UNC13C: variants seen among roughly 807,000 people sequenced by gnomAD.
UNC13C encodes protein unc-13 homolog C.
Under a neutral mutation model 245.4 loss-of-function variants are expected in UNC13C, and 174 were observed. The ratio of observed to expected loss-of-function variants is 0.71; its 90% confidence interval spans 0.63 to 0.80. The LOEUF (loss-of-function observed/expected upper bound fraction) is 0.80. UNC13C is among the 30% of genes least tolerant of loss of function. The pLI is 0.00. For missense variants in UNC13C, 2,829 were observed against 2,602.9 expected (o/e 1.09, Z -1.89); for synonymous variants, 992 against 895.1 (o/e 1.11, Z -1.93).
chr15:54,546,673 C>A lies in UNC13C; in HGVS notation c.5697-49C>A, dbSNP rs1173405456. On this transcript the variant is annotated intron_variant, in intron 26 of 32. Transcript: ENST00000260323. ...AAAATCGTAAAGGCCTAAATTGATA[C>A]CTTGATCTGAAATTTAAAAGTGAAT... 4.1e-6 allele frequency: 5 copies of A among 1,224,112 alleles called. No homozygotes were observed. The African/African-American group carries it at 5.0e-5, about 12-fold the overall frequency. The allele number at this position is 1,224,112 out of a possible 1,614,324, so 75.8% of individuals were successfully genotyped here.
At chr15:54,076,780 GA>G (rs1898651807) in intron 2 of UNC13C, among the ~76,000 whole-genome samples, 1 of 152,146 alleles carries the variant, frequency 6.6e-6, no homozygotes, top group South Asian at 2.1e-4. Context: ...ATCCCTGTGG[GA>G]GTATTCTTTG....
At chr15:54,144,174 A>G (rs1166434634) in intron 4 of UNC13C, among the ~76,000 whole-genome samples, 1 of 152,214 alleles carries the variant, frequency 6.6e-6, no homozygotes, top group African/African-American at 2.4e-5. Flanking sequence ...AAAATAATGT[A>G]TGAAATTTAT....
chr15:54,232,994 G>T (rs2035594033), intron 4 of UNC13C, among the ~76,000 whole-genome samples: 1 of 152,168 alleles, frequency 6.6e-6, no homozygotes. Context: ...GAAGCAAGAA[G>T]TTACTGATGG....
intron 19 of UNC13C, among the ~76,000 whole-genome samples, chr15:54,439,171 C>T (rs1045748024): frequency 2.0e-5 from 3 of 151,956 alleles, no homozygotes; most frequent in Non-Finnish European, 4.4e-5. Flanking sequence ...ATCTCTGTTA[C>T]ATGGAATAGT....
At chr15:54,213,827 C>G (rs971976139) in intron 4 of UNC13C, among the ~76,000 whole-genome samples, 2 of 151,900 alleles carry the variant, frequency 1.3e-5, no homozygotes, top group Admixed American at 1.3e-4. Context: ...AACTTGCCAA[C>G]CTAACAGGTA....
chr15:53,898,112 C>A, the UNC13C span, among the ~76,000 whole-genome samples: 2 of 152,108 alleles, frequency 1.3e-5, no homozygotes, highest in Admixed American at 6.5e-5. Context: ...AATATAAGAT[C>A]TTCTACATTA....
intron 2 of UNC13C, among the ~76,000 whole-genome samples, chr15:54,052,805 A>G (rs1322972109): frequency 6.6e-6 from 1 of 152,172 alleles, no homozygotes; most frequent in African/African-American, 2.4e-5. Context: ...ACCTCGAACA[A>G]TGTCTTTAAT....
intron 10 of UNC13C, among the ~76,000 whole-genome samples, 162 bp downstream of exon 10, chr15:54,265,658 T>C (rs370646604): frequency 3.9e-5 from 6 of 152,156 alleles, no homozygotes; most frequent in Non-Finnish European, 7.4e-5. Context: ...AATACTCTCA[T>C]AATATTTATT....
intron 10 of UNC13C, among the ~76,000 whole-genome samples, chr15:54,289,015 G>C (rs528358191): frequency 1.0e-3 from 158 of 152,182 alleles, no homozygotes; most frequent in African/African-American, 3.7e-3. Context: ...TGCTGGAAAA[G>C]CCCTAGGGCA....
chr15:53,870,188 T>C, the UNC13C span, among the ~76,000 whole-genome samples: 13 of 152,238 alleles, frequency 8.5e-5, no homozygotes, highest in Admixed American at 5.2e-4. Context: ...TTTGATAAAA[T>C]TGGAAATGTT....
the UNC13C span, among the ~76,000 whole-genome samples, chr15:53,853,063 G>T: frequency 2.6e-5 from 4 of 151,642 alleles, no homozygotes; most frequent in African/African-American, 9.7e-5. Flanking sequence ...GGATGTGCAG[G>T]TTTGTTACAT....
Position 54,234,961 on chromosome 15 carries a change from A to G in UNC13C, c.3072-69A>G, listed in dbSNP as rs1014227168. On this transcript the variant is annotated intron_variant, in intron 4 of 32. Coordinates refer to ENST00000260323, the MANE Select transcript of UNC13C (RefSeq NM_001080534.3). ...CTTTTTCACAGACTTTATACCATGA[A>G]CAGTGGATGTTTTTCTTACAAGAAG... The G allele has an allele frequency of 2.2e-5, 30 of 1,353,704 alleles. No homozygotes were observed. In the African/African-American group the frequency reaches 4.2e-4, roughly 19 times the overall value. The allele number at this position is 1,353,704 out of a possible 1,614,324, so 83.9% of individuals were successfully genotyped here.
intron 8 of UNC13C, among the ~76,000 whole-genome samples, chr15:54,262,312 G>A (rs1167135971): frequency 6.6e-6 from 1 of 152,204 alleles, no homozygotes; most frequent in Non-Finnish European, 1.5e-5. Flanking sequence ...AAATTTGGGA[G>A]AGAGTCAACA....
At chr15:54,057,711 G>T (rs1374565207) in intron 2 of UNC13C, among the ~76,000 whole-genome samples, 1 of 152,174 alleles carries the variant, frequency 6.6e-6, no homozygotes, top group Non-Finnish European at 1.5e-5. Flanking sequence ...ACAGTTGGAA[G>T]TAAAGCACTC....
intron 4 of UNC13C, among the ~76,000 whole-genome samples, chr15:54,229,148 C>T (rs777501785): frequency 1.1e-4 from 16 of 152,278 alleles, no homozygotes; most frequent in Admixed American, 2.6e-4. Flanking sequence ...AATGTTCCAA[C>T]GCAAAGTCCT....
At chr15:54,391,519 T>C (rs1260402100) in intron 17 of UNC13C, among the ~76,000 whole-genome samples, 1 of 152,100 alleles carries the variant, frequency 6.6e-6, no homozygotes, top group African/African-American at 2.4e-5. Context: ...TTCACTAATA[T>C]AACCCAGGAA....
At chr15:54,000,408 A>G (rs1486384992) in intron 1 of UNC13C, among the ~76,000 whole-genome samples, 1 of 152,162 alleles carries the variant, frequency 6.6e-6, no homozygotes, top group Non-Finnish European at 1.5e-5. Context: ...ATATATATGA[A>G]CATGTTTTGA....
intron 25 of UNC13C, 37 bp downstream of exon 25, chr15:54,525,674 ATTAGG>A: frequency 1.3e-6 from 2 of 1,529,172 alleles, no homozygotes; most frequent in Non-Finnish European, 1.8e-6. Flanking sequence ...AAATTAGATA[ATTAGG>A]TGTCAGTTCA....
At chr15:53,872,305 A>G in the UNC13C span, among the ~76,000 whole-genome samples, 1 of 151,896 alleles carries the variant, frequency 6.6e-6, no homozygotes, top group Non-Finnish European at 1.5e-5. Context: ...TCTAAGACAC[A>G]CACATCTCTT....
Sources: allele counts gnomAD v4.1 joint callset (sites outside exome capture counted in the v4.1 genomes callset), GRCh38; gene constraint gnomAD v4.1.1; transcripts MANE v1.5; gene names NCBI Gene and HGNC (gene_info 2026-07-23, HGNC 2026-07-21).